HIVEP3: variants seen among roughly 807,000 people sequenced by gnomAD.
HIVEP3 encodes HIVEP zinc finger 3, also known as transcription factor HIVEP3.
A neutral mutation model predicts 152.8 loss-of-function variants in HIVEP3; 49 were observed. The ratio of observed to expected loss-of-function variants is 0.32; its 90% CI spans 0.26 to 0.41. The LOEUF is 0.41. Ranked by LOEUF, HIVEP3 falls within the 10% of genes least tolerant of loss-of-function variation. HIVEP3 has a pLI of 1.00. For missense variants in HIVEP3, 2,790 were observed against 3,103.3 expected (o/e 0.90, Z 2.40); for synonymous variants, 1,269 against 1,289.0 (o/e 0.98, Z 0.33).
intron 1 of HIVEP3, among the ~76,000 whole-genome samples, chr1:42,012,059 G>T (rs1049098868): frequency 6.6e-6 from 1 of 152,102 alleles, no homozygotes; most frequent in East Asian, 1.9e-4. Context: ...AGGAAACTAG[G>T]TATCTTTCCA....
intron 1 of HIVEP3, among the ~76,000 whole-genome samples, chr1:42,022,264 C>G (rs1281320028): frequency 2.0e-5 from 3 of 152,204 alleles, no homozygotes; most frequent in African/African-American, 4.8e-5. Context: ...TGCTTCTAAT[C>G]TGTCTCCTTC....
chr1:42,012,168 A>G (rs1413946534), intron 1 of HIVEP3, among the ~76,000 whole-genome samples: 1 of 151,864 alleles, frequency 6.6e-6, no homozygotes, highest in Non-Finnish European at 1.5e-5. Flanking sequence ...GGGTACTTTT[A>G]TTCTTCATCT....
chr1:41,867,877 G>A (rs538881244), intron 1 of HIVEP3, among the ~76,000 whole-genome samples: 1 of 151,998 alleles, frequency 6.6e-6, no homozygotes, highest in African/African-American at 2.4e-5. Flanking sequence ...CTATCACCTA[G>A]AACACAGCCA....
chr1:41,738,878 A>T (rs373799919), intron 1 of HIVEP3, among the ~76,000 whole-genome samples: 1 of 152,202 alleles, frequency 6.6e-6, no homozygotes, highest in African/African-American at 2.4e-5. Context: ...AAACTCCCAC[A>T]TCAGCACTCA....
chr1:41,658,311 A>T (rs540681337), intron 2 of HIVEP3, among the ~76,000 whole-genome samples: 6 of 152,344 alleles, frequency 3.9e-5, no homozygotes, highest in African/African-American at 1.2e-4. Flanking sequence ...GATGTTTATA[A>T]AAAGGACTTT....
chr1:41,845,797 T>C (rs555655420), intron 1 of HIVEP3, among the ~76,000 whole-genome samples: 2 of 152,318 alleles, frequency 1.3e-5, no homozygotes, highest in East Asian at 3.9e-4. Flanking sequence ...CTGGGTATGG[T>C]GGCTCATACC....
At chr1:42,031,808 C>A (rs1337825564) in intron 1 of HIVEP3, among the ~76,000 whole-genome samples, 2 of 152,140 alleles carry the variant, frequency 1.3e-5, no homozygotes, top group African/African-American at 2.4e-5. Flanking sequence ...AATGTTGTAT[C>A]CTAAGCCAGA....
intron 1 of HIVEP3, among the ~76,000 whole-genome samples, chr1:41,731,172 T>G (rs1646833612): frequency 6.6e-6 from 1 of 151,976 alleles, no homozygotes. Context: ...CACTGAGTGT[T>G]GGGGGCATGG....
intron 1 of HIVEP3, among the ~76,000 whole-genome samples, chr1:41,813,246 C>T (rs1651071919): frequency 6.6e-6 from 1 of 152,142 alleles, no homozygotes; most frequent in Admixed American, 6.5e-5. Context: ...GACTGGAGTC[C>T]AGTCATGCAG....
At chr1:41,598,611 T>C (rs1644701183) in intron 3 of HIVEP3, among the ~76,000 whole-genome samples, 1 of 152,114 alleles carries the variant, frequency 6.6e-6, no homozygotes, top group East Asian at 1.9e-4. Flanking sequence ...TTTCTTCATT[T>C]CTCCACTCAG....
In HIVEP3 at chr1:41,583,352, G is replaced by A. The variant is rs768436370; in HGVS notation, c.1446C>T (p.Asp482=). 1.2e-6 allele frequency: 2 copies of A among 1,612,032 alleles called. No individual in the cohort carries two copies. The highest frequency in any genetic ancestry group is 3.3e-5 in the Admixed American group (2 of 59,880). ...NEAVVDTSEI[D]SVKPRRSSLS... is the part of the protein sequence containing the mutation. ...GTGAGCTCCGCCTTGGCTTCACGCT[G>A]TCGATCTCGCTGGTGTCCACCACGG... is the stretch of plus-strand genomic sequence containing the variant. Residue 482 remains aspartate, a synonymous_variant, in exon 4 of 9, where the codon GAC becomes GAT. Coordinates refer to ENST00000372583, the MANE Select transcript of HIVEP3 (RefSeq NM_024503.5). This position sits in a 1 kb window ranked among gnomAD's most constrained non-coding sequence, Gnocchi z 6.9.
At chr1:41,806,101 C>T (rs1650592319) in intron 1 of HIVEP3, among the ~76,000 whole-genome samples, 1 of 152,132 alleles carries the variant, frequency 6.6e-6, no homozygotes, top group Admixed American at 6.5e-5. Flanking sequence ...CCAGATGAGG[C>T]CCCCAGAGCC....
At chr1:41,512,101 G>A (rs1402850285) in intron 8 of HIVEP3, among the ~76,000 whole-genome samples, 3 of 152,134 alleles carry the variant, frequency 2.0e-5, no homozygotes, top group East Asian at 1.9e-4. Flanking sequence ...ATGGGGAATT[G>A]CACGAGTATT....
intron 1 of HIVEP3, among the ~76,000 whole-genome samples, chr1:41,969,128 T>G (rs1056376371): frequency 6.6e-6 from 1 of 152,168 alleles, no homozygotes; most frequent in Admixed American, 6.5e-5. Context: ...AAAATGGCCA[T>G]ATTGCCCAAA....
chr1:41,775,421 T>C (rs1184545066), intron 1 of HIVEP3, among the ~76,000 whole-genome samples: 1 of 152,248 alleles, frequency 6.6e-6, no homozygotes, highest in Non-Finnish European at 1.5e-5. Context: ...CAGCCTTGCA[T>C]TCTTCTTTCA....
chr1:41,820,864 C>A (rs1482432796), intron 1 of HIVEP3, among the ~76,000 whole-genome samples: 1 of 152,226 alleles, frequency 6.6e-6, no homozygotes, highest in East Asian at 1.9e-4. Context: ...ATATTTATTG[C>A]ATGAATGAAC....
At chr1:42,012,088 A>G (rs1477793730) in intron 1 of HIVEP3, among the ~76,000 whole-genome samples, 1 of 152,226 alleles carries the variant, frequency 6.6e-6, no homozygotes, top group Admixed American at 6.5e-5. Context: ...CTGGAATATA[A>G]ACCCTGGAAC....
At chr1:41,790,182 A>C (rs1412917973) in intron 1 of HIVEP3, among the ~76,000 whole-genome samples, 1 of 152,046 alleles carries the variant, frequency 6.6e-6, no homozygotes, top group African/African-American at 2.4e-5. Flanking sequence ...GCCTAGTGGG[A>C]GGTGTTTGGA....
At chr1:41,928,182 C>T (rs760834273) in intron 1 of HIVEP3, among the ~76,000 whole-genome samples, 1 of 151,678 alleles carries the variant, frequency 6.6e-6, no homozygotes, top group African/African-American at 2.4e-5. Context: ...GTCAGATGAC[C>T]CTATTACAGT....
Sources: allele counts gnomAD v4.1 joint callset (sites outside exome capture counted in the v4.1 genomes callset), GRCh38; gene constraint gnomAD v4.1.1; non-coding constraint Gnocchi (gnomAD v3.1); transcripts MANE v1.5; gene names NCBI Gene and HGNC (gene_info 2026-07-23, HGNC 2026-07-21).